The following METTL24 variants were observed in gnomAD, a reference collection of about 807,000 sequenced individuals.
METTL24 encodes methyltransferase like 24.
Under a neutral mutation model 32.7 loss-of-function variants are expected in METTL24, and 29 were observed. That is an observed-to-expected ratio of 0.89 (90% CI 0.66 to 1.21). The LOEUF is 1.21. METTL24 is among the 50% of genes most tolerant of loss of function. METTL24 has a pLI of 0.00. For missense variants in METTL24, 439 were observed against 468.1 expected, an observed-to-expected ratio of 0.94 and a Z score of 0.57; for synonymous variants, 163 against 179.5, an observed-to-expected ratio of 0.91 and a Z score of 0.73.
chr6:110,351,451 T>G (rs1236815520), intron 1 of METTL24, among the ~76,000 whole-genome samples: 1 of 152,170 alleles, frequency 6.6e-6, no homozygotes, highest in Non-Finnish European at 1.5e-5. Context: ...TATAGACATA[T>G]GTATATTCAC....
chr6:110,349,367 T>C (rs1772547977), intron 1 of METTL24, among the ~76,000 whole-genome samples: 1 of 152,224 alleles, frequency 6.6e-6, no homozygotes, highest in Non-Finnish European at 1.5e-5. Context: ...TGACCAGCAA[T>C]GTTCCAGATG....
intron 1 of METTL24, among the ~76,000 whole-genome samples, chr6:110,331,215 CCAATGTGAAAAA>C: frequency 6.6e-6 from 1 of 152,120 alleles, no homozygotes; most frequent in South Asian, 2.1e-4. Context: ...TAGAAAGTAT[CCAATGTGAAAAA>C]CAGAGAGAAA....
At chr6:110,252,518 T>A (rs1778299729) in intron 4 of METTL24, among the ~76,000 whole-genome samples, 4 of 152,194 alleles carry the variant, frequency 2.6e-5, no homozygotes, top group Non-Finnish European at 4.4e-5. Context: ...AGGGCTTCAA[T>A]CTATGAATTT....
chr6:110,323,973 T>G (rs1273125890), intron 1 of METTL24, among the ~76,000 whole-genome samples: 1 of 152,136 alleles, frequency 6.6e-6, no homozygotes, highest in Admixed American at 6.5e-5. Flanking sequence ...GTGGGAACTC[T>G]CAGCACCCAA....
chr6:110,268,601 T>C (rs759055048), intron 4 of METTL24, among the ~76,000 whole-genome samples: 30 of 152,298 alleles, frequency 2.0e-4, no homozygotes, highest in African/African-American at 5.5e-4. Context: ...ATTTCAGCAG[T>C]TGTAGCTCAC....
At chr6:110,333,362 C>T (rs1772144603) in intron 1 of METTL24, among the ~76,000 whole-genome samples, 1 of 152,086 alleles carries the variant, frequency 6.6e-6, no homozygotes, top group Non-Finnish European at 1.5e-5. Flanking sequence ...TGCTTCCTGC[C>T]TTGAAATTTT....
intron 4 of METTL24, among the ~76,000 whole-genome samples, chr6:110,262,331 A>G (rs1770751688): frequency 6.6e-6 from 1 of 152,230 alleles, no homozygotes; most frequent in Non-Finnish European, 1.5e-5. Flanking sequence ...AGAGAATACT[A>G]TAAACACCTC....
intron 4 of METTL24, among the ~76,000 whole-genome samples, chr6:110,298,153 T>C (rs1771454470): frequency 6.6e-6 from 1 of 152,198 alleles, no homozygotes; most frequent in Non-Finnish European, 1.5e-5. Context: ...CTAAATCACA[T>C]GGCATCTCTG....
intron 4 of METTL24, among the ~76,000 whole-genome samples, chr6:110,251,633 T>G (rs1778280865): frequency 6.6e-6 from 1 of 152,204 alleles, no homozygotes; most frequent in Non-Finnish European, 1.5e-5. Context: ...TTCTGAAGGC[T>G]GGGAAGTCCA....
intron 3 of METTL24, among the ~76,000 whole-genome samples, chr6:110,309,985 T>C (rs1771692292): frequency 6.6e-6 from 1 of 152,206 alleles, no homozygotes; most frequent in African/African-American, 2.4e-5. Flanking sequence ...GTTTTAAATT[T>C]TCATGAAAAG....
intron 1 of METTL24, among the ~76,000 whole-genome samples, chr6:110,342,684 C>G (rs1220968426): frequency 6.6e-6 from 1 of 152,158 alleles, no homozygotes; most frequent in Non-Finnish European, 1.5e-5. Context: ...AAAAGAAACT[C>G]CTTTCCTAGT....
chr6:110,258,096 T>C (rs890036548), intron 4 of METTL24, among the ~76,000 whole-genome samples: 5 of 152,190 alleles, frequency 3.3e-5, no homozygotes, highest in Non-Finnish European at 7.3e-5. Flanking sequence ...AAATGCACCA[T>C]GCACAGAACC....
Position 110,322,885 on chromosome 6 carries a change from G to A in METTL24, c.319-13C>T. The stretch of plus-strand genomic sequence containing the variant: ...GCCACCGGGGACCCTGCAAGAGACA[G>A]AAAACATAGGTTGTGTGTAAGGAAG... On this transcript the variant is annotated splice_polypyrimidine_tract_variant and intron_variant, in intron 1 of 4. Transcript: ENST00000338882. 1.3e-6 allele frequency: 2 copies of A among 1,577,242 alleles called. No individual in the cohort carries two copies. Among genetic ancestry groups the A allele is most frequent in the Non-Finnish European group, 1.7e-6 (2 of 1,165,824 alleles).
intron 4 of METTL24, among the ~76,000 whole-genome samples, chr6:110,263,879 C>G (rs1770802853): frequency 6.6e-6 from 1 of 152,120 alleles, no homozygotes; most frequent in Non-Finnish European, 1.5e-5. Context: ...GAAAGGATTC[C>G]CTATTTAATA....
At chr6:110,320,053 C>T (rs9481056) in intron 2 of METTL24, among the ~76,000 whole-genome samples, 23,710 of 152,140 alleles carry the variant, frequency 0.16, 2,402 homozygotes, top group African/African-American at 0.27. Context: ...GGCACAGTGC[C>T]AGCCATAAAG....
chr6:110,336,609 G>A (rs1438735219), intron 1 of METTL24, among the ~76,000 whole-genome samples: 5 of 151,996 alleles, frequency 3.3e-5, no homozygotes, highest in East Asian at 3.9e-4. Flanking sequence ...GCATGGTGGC[G>A]GGCGCCTGTA....
chr6:110,353,283 G>A (rs958980190), intron 1 of METTL24, among the ~76,000 whole-genome samples: 40 of 152,308 alleles, frequency 2.6e-4, no homozygotes, highest in African/African-American at 9.6e-4. Context: ...CTGAAGAACA[G>A]AAGTGTAGGT....
chr6:110,282,862 G>C (rs1223396139), intron 4 of METTL24, among the ~76,000 whole-genome samples: 1 of 152,114 alleles, frequency 6.6e-6, no homozygotes, highest in Non-Finnish European at 1.5e-5. Flanking sequence ...TGAATTGCTA[G>C]CAAAATGAAA....
chr6:110,301,256 C>G (rs912551182), intron 3 of METTL24, among the ~76,000 whole-genome samples: 7 of 152,172 alleles, frequency 4.6e-5, no homozygotes, highest in Admixed American at 2.0e-4. Context: ...TTTCTACCAC[C>G]TACTGAATCC....
Sources: gnomAD v4.1 joint callset for allele counts (sites outside exome capture counted in the v4.1 genomes callset) on GRCh38, gnomAD v4.1.1 for gene constraint, MANE v1.5 for transcripts, NCBI Gene and HGNC (gene_info 2026-07-23, HGNC 2026-07-21) for gene names.